The following FRMPD3 variants were observed in gnomAD, a reference collection of about 807,000 sequenced individuals.
The protein encoded by FRMPD3 is FERM and PDZ domain containing 3.
In FRMPD3, 42 loss-of-function variants were observed where a neutral mutation model predicts 97.9. The observed-to-expected ratio is 0.43, with a 90% confidence interval of 0.34 to 0.55. The LOEUF (loss-of-function observed/expected upper bound fraction) is 0.55. Ranked by LOEUF, FRMPD3 falls within the 20% of genes least tolerant of loss-of-function variation. FRMPD3 has a pLI of 0.03. For missense variants in FRMPD3, 1,303 were observed against 1,457.7 expected, an observed-to-expected ratio of 0.89 and a Z score of 1.73; for synonymous variants, 577 against 581.1, an observed-to-expected ratio of 0.99 and a Z score of 0.10.
intron 1 of FRMPD3, among the ~76,000 whole-genome samples, chrX:107,484,661 TGAG>T (rs779610360): frequency 1.2e-4 from 13 of 111,411 alleles, no homozygotes; most frequent in African/African-American, 4.2e-4. Context: ...AAAAGAGAGA[TGAG>T]AAGTAGTCCA....
At chrX:107,513,016 C>T (rs1276651076) in intron 1 of FRMPD3, 2 of 112,440 alleles carry the variant, frequency 1.8e-5, no homozygotes, top group Non-Finnish European at 3.8e-5. Flanking sequence ...TTGACTATAG[C>T]TTCAGGAGGG....
chrX:107,541,561 T>C (rs1443667406), intron 4 of FRMPD3, among the ~76,000 whole-genome samples: 1 of 112,655 alleles, frequency 8.9e-6, no homozygotes, highest in Non-Finnish European at 1.9e-5. Context: ...ATTTCCTCCT[T>C]TGTGGTTTGT....
At chrX:107,457,756 C>G (rs181219675) in intron 1 of FRMPD3, among the ~76,000 whole-genome samples, 4 of 111,895 alleles carry the variant, frequency 3.6e-5, no homozygotes, top group Non-Finnish European at 5.6e-5. Flanking sequence ...TTGCTTAACT[C>G]GTTGAATTGG....
rs368175317 is a variant in FRMPD3, at chrX:107,479,867, G to C, written c.-8+29862G>C. On this transcript the variant is annotated intron_variant, in intron 1 of 14. Transcript: ENST00000683843. ...ACACACACACACACACACACACACA[G>C]AGAGAGAGAGAGGGTGCAAAACTGG... Among the ~76,000 whole-genome samples the C allele has an allele frequency of 6.0e-3, 617 of 102,282 alleles. 6 individuals are homozygous for C. Among genetic ancestry groups the C allele is most frequent in the African/African-American group, 0.021 (552 of 26,278 alleles). The allele number at this position is 102,282 out of a possible 115,157, so 88.8% of individuals were successfully genotyped here.
At chrX:107,586,349 C>G (rs745847695) in intron 13 of FRMPD3, among the ~76,000 whole-genome samples, 4 of 109,502 alleles carry the variant, frequency 3.7e-5, no homozygotes, top group Non-Finnish European at 7.6e-5. Context: ...CTTTATTAGT[C>G]TAGCTAGTGG....
At chrX:107,507,861 G>A (rs1922072607) in intron 1 of FRMPD3, among the ~76,000 whole-genome samples, 2 of 112,072 alleles carry the variant, frequency 1.8e-5, no homozygotes, top group Admixed American at 1.9e-4. Flanking sequence ...TTTACTTAGA[G>A]TACTGATGAT....
At chrX:107,500,515 T>A (rs766067218) in intron 1 of FRMPD3, among the ~76,000 whole-genome samples, 1 of 111,834 alleles carries the variant, frequency 8.9e-6, no homozygotes, top group African/African-American at 3.3e-5. Context: ...TACTTCAGGC[T>A]GGGCGCCGTG....
At chrX:107,590,482 T>A (rs1923856165) in intron 13 of FRMPD3, among the ~76,000 whole-genome samples, 1 of 112,946 alleles carries the variant, frequency 8.9e-6, no homozygotes, top group Non-Finnish European at 1.9e-5. Context: ...ATAGGTAACC[T>A]TTATCATATT....
chrX:107,549,820 C>T lies in FRMPD3; in HGVS notation c.403-229C>T, dbSNP rs73249847. ...GAACTACAGTAGAATGTGGGTGCTC[C>T]GTGATGTCAAATGGAGGCGGGCTTT... On this transcript the variant is annotated intron_variant, in intron 5 of 14. Transcript: ENST00000683843. Among the ~76,000 whole-genome samples, 1,033 of 111,209 alleles carry T rather than the reference C, an allele frequency of 9.3e-3. 5 individuals are homozygous for T. Among genetic ancestry groups the T allele is most frequent in the Non-Finnish European group, 0.013 (697 of 52,996 alleles).
rs758906783 is a variant in FRMPD3, at chrX:107,518,134, A to C, written c.-7-8448A>C. Among the ~76,000 whole-genome samples the C allele has an allele frequency of 6.3e-5, 7 of 111,735 alleles. No homozygotes were observed. The South Asian group carries it at 1.9e-3, about 30-fold the overall frequency. The stretch of plus-strand genomic sequence containing the variant: ...AAAAGGAACTTGAAGGAGAGTAAGA[A>C]TGGTAATAAGTAGGAGAAAGTGCTG... On this transcript the variant is annotated intron_variant, in intron 1 of 14. Transcript: ENST00000683843.
chrX:107,505,514 C>G (rs769360703), intron 1 of FRMPD3, among the ~76,000 whole-genome samples: 7 of 112,151 alleles, frequency 6.2e-5, no homozygotes, highest in Non-Finnish European at 1.3e-4. Flanking sequence ...GAGCTGAGAT[C>G]GTGCCACTAC....
intron 8 of FRMPD3, among the ~76,000 whole-genome samples, chrX:107,559,298 A>T (rs781759353): frequency 9.0e-5 from 10 of 111,665 alleles, no homozygotes; most frequent in African/African-American, 3.3e-4. Flanking sequence ...ATTAGGCATT[A>T]TAAGTAATCT....
chrX:107,522,967 T>C (rs1922563315), intron 1 of FRMPD3, among the ~76,000 whole-genome samples: 1 of 111,279 alleles, frequency 9.0e-6, no homozygotes, highest in Non-Finnish European at 1.9e-5. Context: ...ACAATTTTGT[T>C]CAGGGATGCC....
chrX:107,565,192 C>T lies in FRMPD3; in HGVS notation c.1296+126C>T, dbSNP rs1922547890. ...TTCAGTAATTCTGAAGTGGTTCAAC[C>T]CTGGGACTCTTTGGGCTAATATGTC... On this transcript the variant is annotated intron_variant, in intron 12 of 14. Coordinates refer to ENST00000683843, the MANE Select transcript of FRMPD3 (RefSeq NM_001388459.1). The T allele has an allele frequency of 4.6e-6, 3 of 651,017 alleles. No individual in the cohort carries two copies. The Admixed American group carries it at 1.3e-4, about 28-fold the overall frequency. The allele number at this position is 651,017 out of a possible 1,213,427, so 53.7% of individuals were successfully genotyped here.
At chrX:107,515,424 C>T (rs375444773) in intron 1 of FRMPD3, among the ~76,000 whole-genome samples, 2 of 111,090 alleles carry the variant, frequency 1.8e-5, no homozygotes, top group South Asian at 3.9e-4. Context: ...AGGTAAGGAC[C>T]GAGAGATGAC....
At chrX:107,562,801 G>T (rs1922428334) in intron 10 of FRMPD3, among the ~76,000 whole-genome samples, 1 of 112,295 alleles carries the variant, frequency 8.9e-6, no homozygotes, top group Non-Finnish European at 1.9e-5. Flanking sequence ...CATCTCAGGA[G>T]AGAGGTATGG....
intron 4 of FRMPD3, 76 bp from the exon 5 acceptor site, chrX:107,545,661 A>G (rs1340108348): frequency 3.8e-6 from 3 of 795,746 alleles, no homozygotes; most frequent in Non-Finnish European, 5.7e-6. Context: ...GTACTGGGAC[A>G]TCTTAACTCT....
At chrX:107,542,829 G>A (rs1171992661) in intron 4 of FRMPD3, among the ~76,000 whole-genome samples, 1 of 111,798 alleles carries the variant, frequency 8.9e-6, no homozygotes, top group African/African-American at 3.3e-5. Flanking sequence ...CCTGATTGTA[G>A]GACTCAGGCT....
Position 107,564,789 on chromosome X carries a change from G to A in FRMPD3, c.1117-98G>A, listed in dbSNP as rs1922529887. On this transcript the variant is annotated intron_variant, in intron 11 of 14. Coordinates refer to ENST00000683843, the MANE Select transcript of FRMPD3 (RefSeq NM_001388459.1). ...CCAGATATTTTCAGACCCCACCAGA[G>A]AGTCCAATGCATGTTTTCTATTTCC... is the stretch of plus-strand genomic sequence containing the variant. 15 of 880,231 alleles carry A rather than the reference G, an allele frequency of 1.7e-5. No homozygotes were observed. The South Asian group carries it at 3.3e-4, about 19-fold the overall frequency. 72.5% of individuals were successfully genotyped at this position (880,231 alleles called of 1,213,427 possible).
Sources: gnomAD v4.1 joint callset for allele counts (sites outside exome capture counted in the v4.1 genomes callset) on GRCh38, gnomAD v4.1.1 for gene constraint, MANE v1.5 for transcripts, NCBI Gene and HGNC (gene_info 2026-07-23, HGNC 2026-07-21) for gene names.